The following DPYSL2 variants were observed in gnomAD, a reference collection of about 807,000 sequenced individuals.
DPYSL2 encodes dihydropyrimidinase like 2, also known as dihydropyrimidinase-related protein 2.
In DPYSL2, 13 loss-of-function variants were observed where a neutral mutation model predicts 69.9. The observed-to-expected ratio is 0.19, with a 90% CI of 0.12 to 0.30. The LOEUF is 0.30. DPYSL2 is among the 10% of genes least tolerant of loss of function. The pLI, the probability that DPYSL2 is intolerant of heterozygous loss-of-function variation, is 1.00. For missense variants in DPYSL2, 587 were observed against 918.9 expected (o/e 0.64, Z 4.67); for synonymous variants, 326 against 359.1 (o/e 0.91, Z 1.04).
At position 26,578,416 on chromosome 8, in the gene DPYSL2, C is replaced by A. The variant is rs1828120864; in HGVS notation, c.355-3553C>A. 9.6e-6 allele frequency: 15 copies of A among 1,555,790 alleles called. No individual in the cohort carries two copies. In the South Asian group the frequency reaches 1.6e-4, roughly 16 times the overall value. On this transcript the variant is annotated intron_variant, in intron 1 of 13. Coordinates refer to ENST00000521913, the MANE Select transcript of DPYSL2 (RefSeq NM_001197293.3). ...CGAACTTTTTTTTTCCTTTCTGTTG[C>A]TAACGGAGGCGATGGTGATGGTGGT...
intron 1 of DPYSL2, among the ~76,000 whole-genome samples, chr8:26,529,281 A>G (rs200709580): frequency 6.2e-5 from 4 of 64,296 alleles, no homozygotes; most frequent in East Asian, 5.5e-4. Context: ...TCTATCATCT[A>G]TCTATCTATC....
In DPYSL2 at chr8:26,629,955, G is replaced by T. The variant is rs370734939; in HGVS notation, c.1005+2015G>T. Among the ~76,000 whole-genome samples, 6 of 147,068 alleles carry T rather than the reference G, an allele frequency of 4.1e-5. No homozygotes were observed. The East Asian group carries it at 1.3e-3, about 31-fold the overall frequency. ...GATCCACGTGCACAAGCACACACACGTGCACACACTCACGTTCACACACAT... is the reference window on the plus strand; with the variant it reads ...GATCCACGTGCACAAGCACACACACTTGCACACACTCACGTTCACACACAT... On this transcript the variant is annotated intron_variant, in intron 7 of 13. Coordinates refer to ENST00000521913, the MANE Select transcript of DPYSL2 (RefSeq NM_001197293.3).
At chr8:26,523,377 C>T (rs13253496) in intron 1 of DPYSL2, among the ~76,000 whole-genome samples, 110,530 of 151,930 alleles carry the variant, frequency 0.73, 42,343 homozygotes, top group East Asian at 0.9. Context: ...AGTTCAGTGA[C>T]GTTAAGTATA....
Position 26,653,303 on chromosome 8 carries a change from G to T in DPYSL2, c.1848G>T (p.Lys616Asn). The T allele has an allele frequency of 6.2e-7, 1 of 1,614,162 alleles. No individual in the cohort carries two copies. The stretch of plus-strand genomic sequence containing the variant: ...TGTGTGAAGTGTCTGTGACGCCCAA[G>T]ACAGTCACTCCAGCCTCCTCGGCCA... Reference protein sequence around the residue: ...GPVCEVSVTPKTVTPASSAKT... With the variant: ...GPVCEVSVTPNTVTPASSAKT... Residue 616 changes from lysine (K) to asparagine (N), a missense_variant, in exon 13 of 14, where the codon AAG becomes AAT. By Grantham distance (94) the Lys-to-Asn change is moderately conservative. Transcript: ENST00000521913. This position sits in a 1 kb window ranked among gnomAD's most constrained non-coding sequence, Gnocchi z 5.7.
At chr8:26,531,596 A>C (rs1440751279) in intron 1 of DPYSL2, among the ~76,000 whole-genome samples, 1 of 152,200 alleles carries the variant, frequency 6.6e-6, no homozygotes, top group Non-Finnish European at 1.5e-5. Flanking sequence ...CTCCAGTGCC[A>C]CATAAGACAA....
At chr8:26,600,898 TC>T (rs1801976451) in intron 3 of DPYSL2, among the ~76,000 whole-genome samples, 1 of 152,236 alleles carries the variant, frequency 6.6e-6, no homozygotes, top group Non-Finnish European at 1.5e-5. Context: ...CCTTCTTCTT[TC>T]TGCTTCCTGA....
intron 1 of DPYSL2, chr8:26,577,988 T>C: frequency 7.7e-7 from 1 of 1,305,570 alleles, no homozygotes. Flanking sequence ...TGTTTCTCTC[T>C]CTCCTTCTCT....
At chr8:26,578,715 A>G (rs1269568034) in intron 1 of DPYSL2, among the ~76,000 whole-genome samples, 3 of 152,106 alleles carry the variant, frequency 2.0e-5, no homozygotes, top group African/African-American at 4.8e-5. Flanking sequence ...GGGGACTTGG[A>G]TCCTCCCCGG....
chr8:26,572,283 G>A (rs567334329), intron 1 of DPYSL2, among the ~76,000 whole-genome samples: 20 of 152,334 alleles, frequency 1.3e-4, no homozygotes, highest in Middle Eastern at 3.4e-3. Context: ...GAGGGAACAC[G>A]TTCCGGGCAG....
In DPYSL2 at chr8:26,648,834, T is replaced by C. The variant is rs567613437; in HGVS notation, c.1596+1034T>C. Among the ~76,000 whole-genome samples, 9 of 152,234 alleles carry C rather than the reference T, an allele frequency of 5.9e-5. No individual in the cohort carries two copies. Among genetic ancestry groups the C allele is most frequent in the African/African-American group, 2.2e-4 (9 of 41,468 alleles). Reference sequence around the variant, plus strand: ...GCTGCAATGGGCTCAGGCTCAGCTCTGGCTTCTGCCACCTGTGAGGACCAG... The same window carrying C: ...GCTGCAATGGGCTCAGGCTCAGCTCCGGCTTCTGCCACCTGTGAGGACCAG... On this transcript the variant is annotated intron_variant, in intron 11 of 13. Coordinates refer to ENST00000521913, the MANE Select transcript of DPYSL2 (RefSeq NM_001197293.3). The surrounding 1 kb of genome is among the most constrained non-coding windows in gnomAD (Gnocchi z 4.3).
rs1203677989 is a variant in DPYSL2, at chr8:26,640,299, C to G, written c.1127-3140C>G. ...TGCAGTTCTTGGCCTTATAGAGAGC[C>G]TGCCAGAGGCTGGCTTGGTCACATC... On this transcript the variant is annotated intron_variant, in intron 8 of 13. Coordinates refer to ENST00000521913, the MANE Select transcript of DPYSL2 (RefSeq NM_001197293.3). The surrounding 1 kb of genome is among the most constrained non-coding windows in gnomAD (Gnocchi z 4.2). 2.0e-5 allele frequency among the ~76,000 whole-genome samples: 3 copies of G among 152,236 alleles called. No individual in the cohort carries two copies. Among genetic ancestry groups the G allele is most frequent in the Non-Finnish European group, 4.4e-5 (3 of 68,042 alleles).
rs576391146 is a variant in DPYSL2 at position 26,548,787 on chromosome 8, G to A, written c.355-33182G>A. On this transcript the variant is annotated intron_variant, in intron 1 of 13. Transcript: ENST00000521913. ...CCAGCTACTTGGGAGGCTGAGGCAG[G>A]AGAATCACTTGAGCCTGGTGGTCAA... is the stretch of plus-strand genomic sequence containing the variant. Among the ~76,000 whole-genome samples, 11 of 152,224 alleles carry A rather than the reference G, an allele frequency of 7.2e-5. No homozygotes were observed. In the South Asian group the frequency reaches 2.3e-3, roughly 32 times the overall value.
intron 7 of DPYSL2, among the ~76,000 whole-genome samples, chr8:26,629,038 G>A (rs1802678866): frequency 6.6e-6 from 1 of 152,202 alleles, no homozygotes; most frequent in South Asian, 2.1e-4. Context: ...AGACTTGAGG[G>A]GAAGGGATGA....
chr8:26,655,530 T>G, intron 13 of DPYSL2, 85 bp from the exon 14 acceptor site: 32 of 1,245,034 alleles, frequency 2.6e-5, no homozygotes, highest in South Asian at 4.8e-5. Context: ...CTTTTCCTCC[T>G]GAGCTGTGAG....
At chr8:26,578,594 G>T in intron 1 of DPYSL2, 1 of 1,275,526 alleles carries the variant, frequency 7.8e-7, no homozygotes, top group Non-Finnish European at 9.9e-7. Context: ...GCGTCGGCCC[G>T]CGGGGTGCAA....
rs986770020 is a variant in DPYSL2, at chr8:26,653,450, C to T, written c.1942+53C>T. The T allele has an allele frequency of 1.3e-6, 2 of 1,546,312 alleles. No individual in the cohort carries two copies. The highest frequency in any genetic ancestry group is 2.7e-5 in the African/African-American group (2 of 72,832). ...GTTCTGCAGGGCCAGCTCGCTGGTG[C>T]TGGCGAGGCTACAGTTGCATTTGGA... On this transcript the variant is annotated intron_variant, in intron 13 of 13. Transcript: ENST00000521913. The surrounding 1 kb of genome is among the most constrained non-coding windows in gnomAD (Gnocchi z 5.7).
chr8:26,550,397 C>T (rs1451147400), intron 1 of DPYSL2, among the ~76,000 whole-genome samples: 1 of 151,776 alleles, frequency 6.6e-6, no homozygotes, highest in Non-Finnish European at 1.5e-5. Context: ...AGAACAAGGA[C>T]AAAAATATAA....
At chr8:26,544,348 T>C (rs1184000160) in intron 1 of DPYSL2, among the ~76,000 whole-genome samples, 1 of 152,238 alleles carries the variant, frequency 6.6e-6, no homozygotes, top group African/African-American at 2.4e-5. Flanking sequence ...TATAGTAATG[T>C]GTACTGCTCA....
At chr8:26,567,895 C>T (rs991028686) in intron 1 of DPYSL2, among the ~76,000 whole-genome samples, 1 of 152,200 alleles carries the variant, frequency 6.6e-6, no homozygotes. Flanking sequence ...TGCCCTGTCC[C>T]TTTAAAGTGG....
Sources: allele counts gnomAD v4.1 joint callset (sites outside exome capture counted in the v4.1 genomes callset), GRCh38; gene constraint gnomAD v4.1.1; non-coding constraint Gnocchi (gnomAD v3.1); transcripts MANE v1.5; gene names NCBI Gene and HGNC (gene_info 2026-07-23, HGNC 2026-07-21).